Variants in PDCD11 observed in about 807,000 individuals in gnomAD.
PDCD11 encodes protein RRP5 homolog.
A neutral mutation model predicts 198.9 loss-of-function variants in PDCD11; 97 were observed. That is an observed-to-expected ratio of 0.49 (90% CI 0.41 to 0.58). The LOEUF is 0.58. Ranked by LOEUF, PDCD11 falls within the 20% of genes least tolerant of loss-of-function variation. PDCD11 has a pLI of 0.00. For synonymous variants in PDCD11, 893 were observed against 918.0 expected (o/e 0.97, Z 0.49); for missense variants, 2,102 against 2,312.7 (o/e 0.91, Z 1.87).
At chr10:103,441,696 G>GGAGGA (rs899383610) in intron 30 of PDCD11, 130 bp from the exon 31 acceptor site, 14 of 784,894 alleles carry the variant, frequency 1.8e-5, no homozygotes, top group Admixed American at 1.2e-4. Context: ...GCATGGCCTA[G>GGAGGA]GAGGAGAGGA....
At chr10:103,442,552 G>A (rs1346860544) in intron 32 of PDCD11, 92 bp downstream of exon 32, 14 of 1,467,248 alleles carry the variant, frequency 9.5e-6, no homozygotes, top group South Asian at 1.3e-5. Context: ...TAGGCAGGCC[G>A]GCAGCATTTT....
Position 103,418,559 on chromosome 10 carries a change from A to G in PDCD11, c.2031A>G (p.Pro677=). 6.2e-7 allele frequency: 1 copy of G among 1,614,136 alleles called. No homozygotes were observed. The change falls in exon 15 of 36, where the codon CCA becomes CCG. Residue 677 remains proline (P), a synonymous_variant. Transcript: ENST00000369797. ...SHLSDHVANG[P]LLHHWLQAGD... is the part of the protein sequence containing the mutation. ...TGTCGGACCACGTTGCCAACGGCCC[A>G]TTGTTACATCATTGGCTCCAGGCAG...
rs1192729466 is a variant in PDCD11 at position 103,425,286 on chromosome 10, T to C, written c.3066T>C (p.Ala1022=). 3.1e-6 allele frequency: 5 copies of C among 1,613,956 alleles called. No homozygotes were observed. Among genetic ancestry groups the C allele is most frequent in the Non-Finnish European group, 4.2e-6 (5 of 1,180,010 alleles). Residue 1022 remains alanine (A), a synonymous_variant, in exon 20 of 36, where the codon GCT becomes GCC. Transcript: ENST00000369797. ...TVDEDEEVDP[A]LTVGTIKKHT... Reference sequence around the variant, plus strand: ...ATGAGGATGAAGAAGTGGATCCAGCTCTGACTGTAGGGACCATAAAGAAGC... The same window carrying C: ...ATGAGGATGAAGAAGTGGATCCAGCCCTGACTGTAGGGACCATAAAGAAGC...
chr10:103,405,409 C>CA, intron 5 of PDCD11: 2 of 291,200 alleles, frequency 6.9e-6, no homozygotes, highest in East Asian at 7.4e-5. Flanking sequence ...GTCCAAATTT[C>CA]TTTTTTTTTT....
At chr10:103,431,938 T>A (rs1290350798) in intron 21 of PDCD11, among the ~76,000 whole-genome samples, 191 bp from the exon 22 acceptor site, 2 of 152,242 alleles carry the variant, frequency 1.3e-5, no homozygotes, top group Non-Finnish European at 2.9e-5. Context: ...AGTAGATGAA[T>A]GAAACGGAAA....
rs751309496 is a variant in PDCD11 at position 103,434,748 on chromosome 10, C to T, written c.3668-50C>T. On this transcript the variant is annotated intron_variant, in intron 24 of 35. Coordinates refer to ENST00000369797, the MANE Select transcript of PDCD11 (RefSeq NM_014976.2). ...CTGTGTGTGGCTGGCATTCCCGCTC[C>T]TCCCTTAGCTCATTTCCTCTTCCCT... 8 of 1,504,858 alleles carry T rather than the reference C, an allele frequency of 5.3e-6. No homozygotes were observed. The South Asian group carries it at 1.0e-4, about 19-fold the overall frequency. The allele number at this position is 1,504,858 out of a possible 1,614,324, so 93.2% of individuals were successfully genotyped here.
intron 3 of PDCD11, among the ~76,000 whole-genome samples, chr10:103,401,777 G>A (rs1225478790): frequency 2.7e-5 from 4 of 150,824 alleles, no homozygotes; most frequent in South Asian, 2.1e-4. Flanking sequence ...TCGCACAGTC[G>A]CCCAGGCTGG....
chr10:103,433,087 G>C (rs1160711250), intron 22 of PDCD11, among the ~76,000 whole-genome samples: 1 of 152,150 alleles, frequency 6.6e-6, no homozygotes, highest in Non-Finnish European at 1.5e-5. Context: ...TTGACTTACT[G>C]CTTGTAGGCT....
At position 103,423,711 on chromosome 10, in the gene PDCD11, ACC is replaced by A; in HGVS notation, c.2763+56_2763+57del. On this transcript the variant is annotated intron_variant, in intron 19 of 35. Coordinates refer to ENST00000369797, the MANE Select transcript of PDCD11 (RefSeq NM_014976.2). ...ATGGTTTCACATGATGTACCCTTCA[ACC>A]CCACTCCAGTTCAGGGATTCCAACT... is the stretch of plus-strand genomic sequence containing the variant. 2.5e-6 allele frequency: 3 copies of A among 1,183,616 alleles called. No individual in the cohort carries two copies. The South Asian group carries it at 3.7e-5, about 15-fold the overall frequency. 73.3% of individuals were successfully genotyped at this position (1,183,616 alleles called of 1,614,324 possible).
chr10:103,432,279 A>G, intron 22 of PDCD11, 45 bp downstream of exon 22: 1 of 1,321,808 alleles, frequency 7.6e-7, no homozygotes, highest in South Asian at 1.2e-5. Flanking sequence ...TTCTTCTTTC[A>G]GAAAAAAGGT....
intron 25 of PDCD11, among the ~76,000 whole-genome samples, chr10:103,437,238 C>G (rs182379616): frequency 3.9e-4 from 60 of 152,048 alleles, no homozygotes; most frequent in Admixed American, 1.6e-3. Context: ...AATTCTTGGG[C>G]TCAAACAATC....
rs1315430464 is a variant in PDCD11 at position 103,403,181 on chromosome 10, A to G, written c.298A>G (p.Ile100Val). ...VKEVNELELV[I>V]SLPNGLQGFV... The stretch of plus-strand genomic sequence containing the variant: ...AGAGGTGAATGAACTGGAACTGGTG[A>G]TTAGTCTCCCCAATGGCCTCCAGGG... The change falls in exon 4 of 36, where the codon ATT becomes GTT. Residue 100 changes from isoleucine to valine, a missense_variant. Transcript: ENST00000369797. 6.2e-7 allele frequency: 1 copy of G among 1,614,054 alleles called. No homozygotes were observed. Among genetic ancestry groups the G allele is most frequent in the Non-Finnish European group, 8.5e-7 (1 of 1,179,998 alleles).
intron 13 of PDCD11, among the ~76,000 whole-genome samples, chr10:103,416,981 T>C (rs2031148193): frequency 1.3e-5 from 2 of 152,152 alleles, no homozygotes; most frequent in South Asian, 4.1e-4. Flanking sequence ...GGTCAGTCTT[T>C]ACTTGTAATA....
chr10:103,418,521 C>G lies in PDCD11; in HGVS notation c.1993C>G (p.Pro665Ala). The G allele has an allele frequency of 6.2e-7, 1 of 1,614,178 alleles. No homozygotes were observed. The highest frequency in any genetic ancestry group is 1.1e-5 in the South Asian group (1 of 91,082). The change falls in exon 15 of 36, where the codon CCC (proline) becomes GCC (alanine). Residue 665 changes from proline (P) to alanine (A), a missense_variant. Pro to Ala is a conservative substitution (Grantham distance 27). Coordinates refer to ENST00000369797, the MANE Select transcript of PDCD11 (RefSeq NM_014976.2). ...GCCCCACAACATCCGTGCTTTCCTC[C>G]CCACATCTCATCTGTCGGACCACGT... ...VLPHNIRAFLPTSHLSDHVAN... is the reference protein window; with the variant it reads ...VLPHNIRAFLATSHLSDHVAN...
Position 103,415,157 on chromosome 10 carries a change from C to A in PDCD11, c.1518+6C>A, listed in dbSNP as rs1421354876. ...GGGATGAGGTCAAGTGCCGGGTGAG[C>A]CTCCTGAAGGGTCTCTTGGGGTTTT... On this transcript the variant is annotated splice_donor_region_variant and intron_variant, in intron 12 of 35. Coordinates refer to ENST00000369797, the MANE Select transcript of PDCD11 (RefSeq NM_014976.2). 1 of 1,613,418 alleles carries A rather than the reference C, an allele frequency of 6.2e-7. No individual in the cohort carries two copies. Among genetic ancestry groups the A allele is most frequent in the Non-Finnish European group, 8.5e-7 (1 of 1,179,960 alleles).
At chr10:103,442,942 G>A (rs747402044) in intron 32 of PDCD11, among the ~76,000 whole-genome samples, 2 of 152,192 alleles carry the variant, frequency 1.3e-5, no homozygotes, top group African/African-American at 4.8e-5. Context: ...AGGAATGGAG[G>A]CAGAATCCAG....
Position 103,398,414 on chromosome 10 carries a change from A to G in PDCD11, c.-11-2A>G, listed in dbSNP as rs1234723126. The G allele has an allele frequency of 6.3e-7, 1 of 1,575,352 alleles. No individual in the cohort carries two copies. The highest frequency in any genetic ancestry group is 1.3e-5 in the African/African-American group (1 of 74,308). Reference sequence around the variant, plus strand: ...CACCATTATCCTTTGCATTGTTTTTAGGAGACCCAAACATGGCAAACCTGG... The same window carrying G: ...CACCATTATCCTTTGCATTGTTTTTGGGAGACCCAAACATGGCAAACCTGG... On this transcript the variant is annotated splice_acceptor_variant, in intron 1 of 35. Coordinates refer to ENST00000369797, the MANE Select transcript of PDCD11 (RefSeq NM_014976.2). LOFTEE classifies it low-confidence loss of function (5UTR_SPLICE).
In PDCD11 at chr10:103,428,309, G is replaced by GAAA. The variant is rs56689026; in HGVS notation, c.3368+928_3368+930dup. Reference sequence around the variant, plus strand: ...AACAAGAGCGAAAGCCGTCTCAAAAGAAAAAAAAAAAACACAAAGTAAATA... The same window carrying GAAA: ...AACAAGAGCGAAAGCCGTCTCAAAAGAAAAAAAAAAAAAAACACAAAGTAAATA... On this transcript the variant is annotated intron_variant, in intron 21 of 35. Coordinates refer to ENST00000369797, the MANE Select transcript of PDCD11 (RefSeq NM_014976.2). Among the ~76,000 whole-genome samples the GAAA allele has an allele frequency of 1.7e-3, 239 of 143,268 alleles. 1 individual carries two copies. The highest frequency in any genetic ancestry group is 0.011 in the South Asian group (52 of 4,602). 94.0% of individuals were successfully genotyped at this position (143,268 alleles called of 152,430 possible).
Position 103,414,016 on chromosome 10 carries a change from G to A in PDCD11, c.1236G>A (p.Lys412=). ...ACGTCTTCAATCCTGAGGCCTTCAA[G>A]CCAGGGAACACTCACAAGTGTAGAA... ...SKNVFNPEAF[K]PGNTHKCRII... Residue 412 remains lysine, a synonymous_variant, in exon 10 of 36, where the codon AAG becomes AAA. Transcript: ENST00000369797. 2 of 1,613,718 alleles carry A rather than the reference G, an allele frequency of 1.2e-6. No individual in the cohort carries two copies. The highest frequency in any genetic ancestry group is 1.7e-6 in the Non-Finnish European group (2 of 1,179,858).
Sources: gnomAD v4.1 joint callset for allele counts (sites outside exome capture counted in the v4.1 genomes callset) on GRCh38, gnomAD v4.1.1 for gene constraint, MANE v1.5 for transcripts, NCBI Gene and HGNC (gene_info 2026-07-23, HGNC 2026-07-21) for gene names.